UGGT2: variants seen among roughly 807,000 people sequenced by gnomAD.
UGGT2 encodes UDP-glucose:glycoprotein glucosyltransferase 2.
UGGT2 carries 180 observed loss-of-function variants against 192.1 expected under a neutral mutation model. The observed-to-expected ratio is 0.94, with a 90% CI of 0.83 to 1.06. The LOEUF is 1.06. Among genes scored for constraint, UGGT2 ranks in the 50% least tolerant of loss-of-function variants. UGGT2 has a pLI of 0.00. For synonymous variants in UGGT2, 580 were observed against 591.0 expected (o/e 0.98, Z 0.27); for missense variants, 1,849 against 1,795.7 (o/e 1.03, Z -0.54).
chr13:95,963,913 A>G (rs1477973186), intron 12 of UGGT2, among the ~76,000 whole-genome samples: 1 of 152,146 alleles, frequency 6.6e-6, no homozygotes, highest in Non-Finnish European at 1.5e-5. Context: ...TATTAAAATG[A>G]TGATACTGCC....
At chr13:95,996,856 A>C (rs2140918541) in intron 6 of UGGT2, among the ~76,000 whole-genome samples, 1 of 152,178 alleles carries the variant, frequency 6.6e-6, no homozygotes, top group Admixed American at 6.5e-5. Flanking sequence ...AGACACCAAA[A>C]CTCATGGTCT....
intron 12 of UGGT2, among the ~76,000 whole-genome samples, chr13:95,958,980 C>T (rs2050302009): frequency 6.6e-6 from 1 of 152,228 alleles, no homozygotes; most frequent in Non-Finnish European, 1.5e-5. Flanking sequence ...CACAATGCCA[C>T]TGATCCAGAG....
intron 20 of UGGT2, among the ~76,000 whole-genome samples, chr13:95,903,921 TCTC>T: frequency 6.6e-6 from 1 of 152,208 alleles, no homozygotes; most frequent in Non-Finnish European, 1.5e-5. Context: ...TGTAAAGATA[TCTC>T]ATCAGGGTTT....
intron 4 of UGGT2, among the ~76,000 whole-genome samples, chr13:96,014,845 T>G (rs867740752): frequency 3.9e-5 from 6 of 152,222 alleles, no homozygotes; most frequent in South Asian, 2.1e-4. Flanking sequence ...GTCACTTATA[T>G]AGCAGCTGGA....
chr13:95,953,806 A>G (rs1461934527), intron 12 of UGGT2, among the ~76,000 whole-genome samples: 1 of 152,170 alleles, frequency 6.6e-6, no homozygotes, highest in African/African-American at 2.4e-5. Flanking sequence ...ACACCCTGTC[A>G]GAAGGGGGTA....
At chr13:95,928,128 T>C (rs1374707209) in intron 17 of UGGT2, among the ~76,000 whole-genome samples, 2 of 152,242 alleles carry the variant, frequency 1.3e-5, no homozygotes, top group Non-Finnish European at 2.9e-5. Context: ...CCCTTTTCTA[T>C]TCGACAAAAC....
chr13:95,926,566 T>A (rs774026144), intron 19 of UGGT2, among the ~76,000 whole-genome samples: 43 of 152,330 alleles, frequency 2.8e-4, no homozygotes, highest in Non-Finnish European at 4.1e-4. Context: ...CTAACAAATC[T>A]ACGGTCCCAC....
chr13:95,905,224 A>C (rs944003110), intron 20 of UGGT2, among the ~76,000 whole-genome samples: 1 of 148,958 alleles, frequency 6.7e-6, no homozygotes, highest in Non-Finnish European at 1.5e-5. Flanking sequence ...AGGTTGTGGA[A>C]ATTTTCTCCC....
At chr13:95,856,584 T>C (rs923032261) in intron 33 of UGGT2, 3 of 478,430 alleles carry the variant, frequency 6.3e-6, no homozygotes, top group Admixed American at 3.9e-5. Context: ...TGCACTATAT[T>C]ATTTAACAAA....
chr13:95,940,037 T>C lies in UGGT2; in HGVS notation c.1732A>G (p.Ser578Gly). The change falls in exon 16 of 39, where the codon AGT becomes GGT. Residue 578 changes from serine to glycine, a missense_variant. Coordinates refer to ENST00000376747, the MANE Select transcript of UGGT2 (RefSeq NM_020121.4). ...TGAGGAAATGTATTTTGGAGAACAC[T>C]CTTCACATTGTCCACAGTGAGTATA... ...QNILTVDNVK[S>G]VLQNTFPHAN... 6.3e-7 allele frequency: 1 copy of C among 1,592,430 alleles called. No homozygotes were observed. The highest frequency in any genetic ancestry group is 8.5e-7 in the Non-Finnish European group (1 of 1,169,778).
intron 12 of UGGT2, among the ~76,000 whole-genome samples, chr13:95,950,067 A>G (rs1168040394): frequency 6.6e-6 from 1 of 151,860 alleles, no homozygotes; most frequent in Non-Finnish European, 1.5e-5. Flanking sequence ...TGCGTCCTGG[A>G]GAAATACTGA....
In UGGT2 at chr13:96,053,257, A is replaced by G; in HGVS notation, c.56T>C (p.Leu19Pro). 6.4e-7 allele frequency: 1 copy of G among 1,566,224 alleles called. No individual in the cohort carries two copies. The highest frequency in any genetic ancestry group is 8.6e-7 in the Non-Finnish European group (1 of 1,164,016). ...CCCGGAGCCGAGCTGCGAAAGCCAC[A>G]GCGCTGTGGAGCCTAGTAGCAGCCG... ...VVRLLLGSTA[L>P]WLSQLGSGTV... The change falls in exon 1 of 39, where the codon CTG (leucine) becomes CCG (proline). Residue 19 changes from leucine to proline, a missense_variant. Leu to Pro is a moderately conservative substitution (Grantham distance 98, BLOSUM62 -3). Transcript: ENST00000376747.
At chr13:95,817,837 T>C (rs1398352600) in intron 38 of UGGT2, among the ~76,000 whole-genome samples, 1 of 152,092 alleles carries the variant, frequency 6.6e-6, no homozygotes. Flanking sequence ...TTGCCCATCA[T>C]GAAATTAAAC....
intron 10 of UGGT2, among the ~76,000 whole-genome samples, chr13:95,975,459 T>C (rs2050906995): frequency 6.6e-6 from 1 of 152,186 alleles, no homozygotes; most frequent in South Asian, 2.1e-4. Flanking sequence ...CTCTAGCTTA[T>C]TTTCATATGG....
At chr13:95,806,163 T>C (rs1348844799) in intron 38 of UGGT2, among the ~76,000 whole-genome samples, 3 of 150,470 alleles carry the variant, frequency 2.0e-5, no homozygotes, top group African/African-American at 7.3e-5. Flanking sequence ...GGGAAACTTA[T>C]AGCTGTAAAC....
chr13:95,832,839 T>C, intron 38 of UGGT2, 88 bp downstream of exon 38: 1 of 1,543,400 alleles, frequency 6.5e-7, no homozygotes, highest in Non-Finnish European at 8.8e-7. Flanking sequence ...AATCATTTTA[T>C]AAATTCACTA....
At chr13:95,922,760 C>T (rs1196468954) in intron 20 of UGGT2, among the ~76,000 whole-genome samples, 1 of 151,644 alleles carries the variant, frequency 6.6e-6, no homozygotes, top group Non-Finnish European at 1.5e-5. Flanking sequence ...GAGTTGGGTG[C>T]TGTGGTGAGC....
chr13:95,857,605 G>A (rs1352631286), intron 33 of UGGT2, among the ~76,000 whole-genome samples: 1 of 152,048 alleles, frequency 6.6e-6, no homozygotes, highest in Non-Finnish European at 1.5e-5. Flanking sequence ...TTCTGTATCT[G>A]GCTGCTGATT....
chr13:95,925,772 C>A lies in UGGT2; in HGVS notation c.2203G>T (p.Glu735Ter). ...KNMYYLTQDDESIISAVTLWI... is the reference protein window; with the variant it reads ...KNMYYLTQDD ...AGAGTGACTGCAGAAATTATACTCT[C>A]ATCTGAAAGTTTCAAACAGTTTACT... is the stretch of plus-strand genomic sequence containing the variant. The change falls in exon 20 of 39, where the codon GAG (glutamate) becomes TAG (stop). Residue 735 changes from glutamate to a stop codon, truncating the protein, a stop_gained and splice_region_variant. Transcript: ENST00000376747. LOFTEE classifies it high-confidence loss of function. The A allele has an allele frequency of 6.5e-7, 1 of 1,529,362 alleles. No homozygotes were observed. Among genetic ancestry groups the A allele is most frequent in the Non-Finnish European group, 8.8e-7 (1 of 1,135,002 alleles). 94.7% of individuals were successfully genotyped at this position (1,529,362 alleles called of 1,614,324 possible). A position where few individuals can be genotyped will look rare whatever the true frequency, so the allele number is the denominator to read the frequency against.
Sources: allele counts gnomAD v4.1 joint callset (sites outside exome capture counted in the v4.1 genomes callset), GRCh38; gene constraint gnomAD v4.1.1; transcripts MANE v1.5; gene names NCBI Gene and HGNC (gene_info 2026-07-23, HGNC 2026-07-21).